Variants in ST3GAL1 observed in about 807,000 individuals in gnomAD.
The protein encoded by ST3GAL1 is ST3 beta-galactoside alpha-2,3-sialyltransferase 1.
In ST3GAL1, 16 loss-of-function variants were observed where a neutral mutation model predicts 34.1. That is an observed-to-expected ratio of 0.47 (90% CI 0.32 to 0.71). The LOEUF is 0.71. ST3GAL1 is among the 30% of genes least tolerant of loss of function. The pLI is 0.04. For synonymous variants in ST3GAL1, 191 were observed against 184.7 expected, an observed-to-expected ratio of 1.03 and a Z score of -0.28; for missense variants, 353 against 447.4, an observed-to-expected ratio of 0.79 and a Z score of 1.90.
intron 2 of ST3GAL1, among the ~76,000 whole-genome samples, chr8:133,512,061 C>G (rs1817512766): frequency 6.6e-6 from 1 of 152,050 alleles, no homozygotes; most frequent in Non-Finnish European, 1.5e-5. Context: ...CAAAACAAAA[C>G]AAAACAAAAA....
At chr8:133,503,458 C>T (rs1043898496) in intron 2 of ST3GAL1, among the ~76,000 whole-genome samples, 2 of 152,008 alleles carry the variant, frequency 1.3e-5, no homozygotes, top group Admixed American at 6.6e-5. Context: ...ACTGTCTGCT[C>T]CCCCTCCGCC....
intron 2 of ST3GAL1, 134 bp from the exon 3 acceptor site, chr8:133,499,323 C>T (rs1433260524): frequency 6.6e-6 from 1 of 152,162 alleles, no homozygotes; most frequent in Non-Finnish European, 1.5e-5. Context: ...CCTCTGAGCC[C>T]TTTCAAGCCA....
intron 5 of ST3GAL1, among the ~76,000 whole-genome samples, chr8:133,472,230 G>T (rs1038854258): frequency 1.3e-5 from 2 of 152,130 alleles, no homozygotes; most frequent in African/African-American, 2.4e-5. Context: ...CTGCTCCTGT[G>T]TCCCTGTTCC....
Position 133,488,854 on chromosome 8 carries a change from C to T in ST3GAL1, c.-374+10281G>A, listed in dbSNP as rs367624247. ...AGTCAAGTGGATTGGAAGACTGCAG[C>T]GGCACTGGCAGACAGGGGGGGCCAG... On this transcript the variant is annotated intron_variant, in intron 3 of 9. Coordinates refer to ENST00000522652, the MANE Select transcript of ST3GAL1 (RefSeq NM_173344.3). Among the ~76,000 whole-genome samples, 26 of 134,600 alleles carry T rather than the reference C, an allele frequency of 1.9e-4. No individual in the cohort carries two copies. In the South Asian group the frequency reaches 4.0e-3, roughly 21 times the overall value. The allele number at this position is 134,600 out of a possible 152,430, so 88.3% of individuals were successfully genotyped here.
At chr8:133,507,754 C>T (rs899860890) in intron 2 of ST3GAL1, among the ~76,000 whole-genome samples, 1 of 152,166 alleles carries the variant, frequency 6.6e-6, no homozygotes, top group African/African-American at 2.4e-5. Context: ...AAATTACGCC[C>T]GGTGACCCTC....
At chr8:133,490,929 T>C (rs543624266) in intron 3 of ST3GAL1, among the ~76,000 whole-genome samples, 2 of 152,326 alleles carry the variant, frequency 1.3e-5, no homozygotes, top group Non-Finnish European at 1.5e-5. Context: ...CCTGTTTCCC[T>C]GCTCCTTTCT....
intron 5 of ST3GAL1, among the ~76,000 whole-genome samples, chr8:133,472,149 A>G (rs551440209): frequency 6.6e-6 from 1 of 150,588 alleles, no homozygotes; most frequent in African/African-American, 2.4e-5. Flanking sequence ...CACGGGGCTG[A>G]TTTGTAAACT....
chr8:133,509,956 G>A (rs1446016652), intron 2 of ST3GAL1, among the ~76,000 whole-genome samples: 2 of 151,896 alleles, frequency 1.3e-5, no homozygotes, highest in African/African-American at 4.8e-5. Flanking sequence ...CTACTCGGGT[G>A]GCTGAGGCAG....
In ST3GAL1 at chr8:133,556,050, C is replaced by T. The variant is rs533843857; in HGVS notation, c.-581-10124G>A. On this transcript the variant is annotated intron_variant, in intron 1 of 9. Transcript: ENST00000522652. This position sits in a 1 kb window ranked among gnomAD's most constrained non-coding sequence, Gnocchi z 8.9. ...CTGGGATTACAGGCACCTGCCACCA[C>T]GCCTGGCTGATTTTTTTTGTATTTT... 1.2e-3 allele frequency among the ~76,000 whole-genome samples: 181 copies of T among 151,148 alleles called. 2 individuals are homozygous for T. Among genetic ancestry groups the T allele is most frequent in the Admixed American group, 5.3e-4 (8 of 15,204 alleles).
intron 5 of ST3GAL1, among the ~76,000 whole-genome samples, chr8:133,472,273 C>T (rs1815999279): frequency 6.6e-6 from 1 of 152,196 alleles, no homozygotes; most frequent in Non-Finnish European, 1.5e-5. Context: ...AATTGTGATG[C>T]CCACTTGACT....
intron 2 of ST3GAL1, among the ~76,000 whole-genome samples, chr8:133,521,155 A>G (rs1172417532): frequency 5.0e-5 from 1 of 19,988 alleles, no homozygotes. Context: ...TTTTTTTTTG[A>G]GACAGTCTTG....
chr8:133,500,341 A>G (rs1175506837), intron 2 of ST3GAL1, among the ~76,000 whole-genome samples: 1 of 152,142 alleles, frequency 6.6e-6, no homozygotes, highest in Non-Finnish European at 1.5e-5. Context: ...AGGAGGGAGG[A>G]GGTGCCTAGG....
At chr8:133,488,883 A>G (rs1351679792) in intron 3 of ST3GAL1, among the ~76,000 whole-genome samples, 1 of 152,124 alleles carries the variant, frequency 6.6e-6, no homozygotes, top group Non-Finnish European at 1.5e-5. Context: ...GGGCCAGGCA[A>G]GGTCTGGTGG....
chr8:133,476,221 G>A (rs1407900803), intron 4 of ST3GAL1, 57 bp downstream of exon 4: 4 of 575,204 alleles, frequency 7.0e-6, no homozygotes, highest in African/African-American at 1.9e-5. Flanking sequence ...CCCAGACACG[G>A]CTGTGTGGTA....
chr8:133,534,230 C>A (rs1157328002), intron 2 of ST3GAL1, among the ~76,000 whole-genome samples: 1 of 152,166 alleles, frequency 6.6e-6, no homozygotes, highest in Non-Finnish European at 1.5e-5. Context: ...TCCTCCAGCA[C>A]AAAGGATATT....
At position 133,571,449 on chromosome 8, in the gene ST3GAL1, C is replaced by T. The variant is rs1294043908; in HGVS notation, c.-582+244G>A. On this transcript the variant is annotated intron_variant, in intron 1 of 9. Transcript: ENST00000522652. This position sits in a 1 kb window ranked among gnomAD's most constrained non-coding sequence, Gnocchi z 6.7. The stretch of plus-strand genomic sequence containing the variant: ...CCCCGACCTTCTTCCTCTCCCAAAG[C>T]CCTGGGTGGTCGCCGCTGCCAAGGA... Among the ~76,000 whole-genome samples, 1 of 152,172 alleles carries T rather than the reference C, an allele frequency of 6.6e-6. No individual in the cohort carries two copies. Among genetic ancestry groups the T allele is most frequent in the African/African-American group, 2.4e-5 (1 of 41,450 alleles).
At chr8:133,497,431 T>C (rs929023166) in intron 3 of ST3GAL1, among the ~76,000 whole-genome samples, 1 of 151,494 alleles carries the variant, frequency 6.6e-6, no homozygotes, top group Admixed American at 6.6e-5. Flanking sequence ...TACACCTTTC[T>C]TCTCTCCCAT....
intron 5 of ST3GAL1, among the ~76,000 whole-genome samples, chr8:133,474,589 G>A (rs1021877243): frequency 6.6e-6 from 1 of 152,030 alleles, no homozygotes; most frequent in African/African-American, 2.4e-5. Flanking sequence ...CTCAGGCCTC[G>A]TCTCACTGCA....
chr8:133,540,723 A>G (rs1818441513), intron 2 of ST3GAL1, among the ~76,000 whole-genome samples: 1 of 99,986 alleles, frequency 1.0e-5, no homozygotes, highest in Non-Finnish European at 1.7e-5. Context: ...ATATATATAT[A>G]TAGACATATA....
Sources: allele counts gnomAD v4.1 joint callset (sites outside exome capture counted in the v4.1 genomes callset), GRCh38; gene constraint gnomAD v4.1.1; non-coding constraint Gnocchi (gnomAD v3.1); transcripts MANE v1.5; gene names NCBI Gene and HGNC (gene_info 2026-07-23, HGNC 2026-07-21).